Variants in UHRF2 observed in about 807,000 individuals in gnomAD.
UHRF2 encodes E3 ubiquitin-protein ligase UHRF2.
In UHRF2, 23 loss-of-function variants were observed where a neutral mutation model predicts 96.8. The observed-to-expected ratio is 0.24, with a 90% CI of 0.17 to 0.34. The LOEUF (loss-of-function observed/expected upper bound fraction) is 0.34, where lower values mean the gene tolerates loss of function less well. Ranked by LOEUF, UHRF2 falls within the 10% of genes least tolerant of loss-of-function variation. The pLI, the probability that UHRF2 is intolerant of heterozygous loss-of-function variation, is 1.00. For synonymous variants in UHRF2, 385 were observed against 332.6 expected (o/e 1.16, Z -1.72); for missense variants, 685 against 981.5 (o/e 0.70, Z 4.04).
Position 6,453,343 on chromosome 9 carries a change from C to G in UHRF2, c.645-7230C>G, listed in dbSNP as rs137949462. 4.0e-3 allele frequency among the ~76,000 whole-genome samples: 616 copies of G among 152,212 alleles called. 2 individuals are homozygous for G. Among genetic ancestry groups the G allele is most frequent in the African/African-American group, 0.014 (592 of 41,546 alleles). On this transcript the variant is annotated intron_variant, in intron 3 of 15. Transcript: ENST00000276893. ...GTGGTTCTTTTGCCACTGAAATATG[C>G]TTTTTACAGTGTTATTTAAAAACAT...
chr9:6,435,703 T>G (rs974244635), intron 3 of UHRF2, among the ~76,000 whole-genome samples: 1 of 152,090 alleles, frequency 6.6e-6, no homozygotes, highest in African/African-American at 2.4e-5. Flanking sequence ...GCCTTTCAGG[T>G]TGAAGCGATT....
chr9:6,461,396 C>T (rs1364905234), intron 4 of UHRF2, among the ~76,000 whole-genome samples: 2 of 131,002 alleles, frequency 1.5e-5, no homozygotes, highest in Admixed American at 7.7e-5. Flanking sequence ...TCCTCCCCCC[C>T]GCCCCTTGTT....
At chr9:6,450,550 G>A (rs756477596) in intron 3 of UHRF2, among the ~76,000 whole-genome samples, 9 of 152,090 alleles carry the variant, frequency 5.9e-5, no homozygotes, top group Non-Finnish European at 1.2e-4. Context: ...ACTTTTCTGT[G>A]GTAAGATTCA....
intron 2 of UHRF2, among the ~76,000 whole-genome samples, chr9:6,426,762 A>G (rs930614397): frequency 6.6e-5 from 10 of 151,850 alleles, no homozygotes; most frequent in African/African-American, 1.9e-4. Flanking sequence ...ATTTTATTTT[A>G]TTTTTGAGAT....
chr9:6,446,720 C>T (rs1821530740), intron 3 of UHRF2, among the ~76,000 whole-genome samples: 1 of 151,974 alleles, frequency 6.6e-6, no homozygotes, highest in Non-Finnish European at 1.5e-5. Context: ...TGGTGCACAC[C>T]TGTAGTCCCA....
At chr9:6,427,659 T>G (rs1261445819) in intron 2 of UHRF2, among the ~76,000 whole-genome samples, 1 of 152,190 alleles carries the variant, frequency 6.6e-6, no homozygotes, top group East Asian at 1.9e-4. Flanking sequence ...CACTCCTGCC[T>G]GGGTGACAGA....
At chr9:6,423,667 CGG>C (rs1820066080) in intron 2 of UHRF2, among the ~76,000 whole-genome samples, 1 of 149,428 alleles carries the variant, frequency 6.7e-6, no homozygotes, top group South Asian at 2.1e-4. Flanking sequence ...AAGTCTCGGC[CGG>C]GCGTGGTGGC....
chr9:6,470,108 C>T (rs559805008), intron 4 of UHRF2, among the ~76,000 whole-genome samples: 7 of 152,266 alleles, frequency 4.6e-5, no homozygotes, highest in South Asian at 2.1e-4. Context: ...TGGTGGCTCA[C>T]GCCTATATAA....
At chr9:6,491,645 T>C (rs983123048) in intron 9 of UHRF2, among the ~76,000 whole-genome samples, 2 of 152,252 alleles carry the variant, frequency 1.3e-5, no homozygotes, top group African/African-American at 4.8e-5. Flanking sequence ...ATGGCAAGAA[T>C]GTGAGCATCC....
intron 2 of UHRF2, among the ~76,000 whole-genome samples, chr9:6,426,314 G>T (rs1476606458): frequency 6.6e-6 from 1 of 152,178 alleles, no homozygotes; most frequent in African/African-American, 2.4e-5. Context: ...CTTGAGCTTT[G>T]CCAGGAGACC....
rs181502358 is a variant in UHRF2, at chr9:6,501,724, G to C, written c.2163+1015G>C. 4.6e-5 allele frequency among the ~76,000 whole-genome samples: 7 copies of C among 152,292 alleles called. No homozygotes were observed. In the East Asian group the frequency reaches 1.2e-3, roughly 25 times the overall value. On this transcript the variant is annotated intron_variant, in intron 14 of 15. Coordinates refer to ENST00000276893, the MANE Select transcript of UHRF2 (RefSeq NM_152896.3). The stretch of plus-strand genomic sequence containing the variant: ...TTGAGAAGTGTTTACTTGTATTTTA[G>C]CCAAGACACCCAGGCGTAAGCAGAG...
At chr9:6,426,368 G>T (rs924079773) in intron 2 of UHRF2, among the ~76,000 whole-genome samples, 1 of 152,134 alleles carries the variant, frequency 6.6e-6, no homozygotes, top group Non-Finnish European at 1.5e-5. Flanking sequence ...TATACAAATT[G>T]GCAAGTAAAT....
intron 2 of UHRF2, among the ~76,000 whole-genome samples, chr9:6,427,072 A>AT (rs1366613748): frequency 1.3e-5 from 2 of 152,080 alleles, no homozygotes; most frequent in Non-Finnish European, 2.9e-5. Flanking sequence ...TTATATTTGC[A>AT]TTGGGTTTTT....
chr9:6,476,020 C>G (rs1267547181), intron 5 of UHRF2, among the ~76,000 whole-genome samples: 1 of 152,188 alleles, frequency 6.6e-6, no homozygotes, highest in African/African-American at 2.4e-5. Flanking sequence ...GCCAACCCTT[C>G]TTTATCCCCT....
At chr9:6,481,549 T>G in intron 6 of UHRF2, 94 bp from the exon 7 acceptor site, 2 of 1,452,944 alleles carry the variant, frequency 1.4e-6, no homozygotes, top group Non-Finnish European at 1.9e-6. Flanking sequence ...ATAATACATC[T>G]TAAAACTTGC....
intron 2 of UHRF2, among the ~76,000 whole-genome samples, chr9:6,432,711 C>G (rs1587782156): frequency 6.6e-6 from 1 of 152,160 alleles, no homozygotes; most frequent in African/African-American, 2.4e-5. Context: ...GTGGTGTCTT[C>G]TCCCTTCAAG....
chr9:6,456,040 G>C (rs1426186415), intron 3 of UHRF2, among the ~76,000 whole-genome samples: 2 of 152,142 alleles, frequency 1.3e-5, no homozygotes, highest in African/African-American at 4.8e-5. Flanking sequence ...TTTAGGTTCA[G>C]GTCAGGTTAG....
chr9:6,433,778 C>G (rs1820684259), intron 2 of UHRF2, 136 bp from the exon 3 acceptor site: 1 of 845,528 alleles, frequency 1.2e-6, no homozygotes, highest in Non-Finnish European at 1.8e-6. Context: ...TTGATCTAAT[C>G]TTATTAACCA....
intron 1 of UHRF2, among the ~76,000 whole-genome samples, chr9:6,417,267 G>A (rs1819659551): frequency 6.6e-6 from 1 of 152,124 alleles, no homozygotes; most frequent in Non-Finnish European, 1.5e-5. Flanking sequence ...AATTTCAAGA[G>A]TGGTCTGACA....
Sources: allele counts gnomAD v4.1 joint callset (sites outside exome capture counted in the v4.1 genomes callset), GRCh38; gene constraint gnomAD v4.1.1; transcripts MANE v1.5; gene names NCBI Gene and HGNC (gene_info 2026-07-23, HGNC 2026-07-21).